The following ARSB variants were observed in gnomAD, a reference collection of about 807,000 sequenced individuals.
The protein encoded by ARSB is arylsulfatase B.
A neutral mutation model predicts 50.9 loss-of-function variants in ARSB; 41 were observed. The ratio of observed to expected loss-of-function variants is 0.81; its 90% CI spans 0.63 to 1.04. The LOEUF (loss-of-function observed/expected upper bound fraction) is 1.04, where lower values mean the gene tolerates loss of function less well. ARSB is among the 50% of genes least tolerant of loss of function. The pLI, the probability that ARSB is intolerant of heterozygous loss-of-function variation, is 0.00. For synonymous variants in ARSB, 269 were observed against 284.8 expected (o/e 0.94, Z 0.56); for missense variants, 672 against 693.3 (o/e 0.97, Z 0.35).
intron 6 of ARSB, among the ~76,000 whole-genome samples, chr5:78,821,446 T>C (rs1180036101): frequency 6.6e-6 from 1 of 152,200 alleles, no homozygotes; most frequent in Non-Finnish European, 1.5e-5. Flanking sequence ...CCAATTTTGG[T>C]TTTATTTGTA....
intron 4 of ARSB, among the ~76,000 whole-genome samples, chr5:78,906,839 G>A (rs1157822150): frequency 6.6e-6 from 1 of 152,196 alleles, no homozygotes. Flanking sequence ...AATGGGCTAA[G>A]GGAACTTGTG....
At chr5:78,854,303 G>C (rs1746032381) in intron 5 of ARSB, among the ~76,000 whole-genome samples, 2 of 152,178 alleles carry the variant, frequency 1.3e-5, no homozygotes, top group South Asian at 4.1e-4. Flanking sequence ...CTAGTTTCTT[G>C]AGATACATTG....
intron 4 of ARSB, among the ~76,000 whole-genome samples, chr5:78,935,927 T>C (rs1490394536): frequency 2.2e-4 from 24 of 107,060 alleles, no homozygotes; most frequent in African/African-American, 3.1e-4. Flanking sequence ...TCCTCCCCTC[T>C]CCTCCACTCC....
At chr5:78,935,913 T>TCTCTCCTCCC (rs1561511440) in intron 4 of ARSB, among the ~76,000 whole-genome samples, 2 of 147,512 alleles carry the variant, frequency 1.4e-5, no homozygotes, top group Admixed American at 6.7e-5. Context: ...TTTTTCGTTC[T>TCTCTCCTCCC]CTCTCCTCCC....
chr5:78,814,140 C>CT (rs768543709), intron 6 of ARSB, among the ~76,000 whole-genome samples: 1 of 150,876 alleles, frequency 6.6e-6, no homozygotes, highest in Non-Finnish European at 1.5e-5. Context: ...TGTGGCATAG[C>CT]TTGAGATGTC....
intron 3 of ARSB, among the ~76,000 whole-genome samples, chr5:78,962,822 C>T (rs1042189024): frequency 6.6e-6 from 1 of 152,046 alleles, no homozygotes; most frequent in Non-Finnish European, 1.5e-5. Context: ...AAGATTTTAC[C>T]TTAGCTTGTG....
intron 5 of ARSB, among the ~76,000 whole-genome samples, chr5:78,858,541 G>T (rs1241997696): frequency 6.6e-6 from 1 of 151,978 alleles, no homozygotes; most frequent in African/African-American, 2.4e-5. Context: ...TTGAAGGGTG[G>T]GGCAACAAAA....
At chr5:78,956,165 A>C (rs1751278356) in intron 3 of ARSB, among the ~76,000 whole-genome samples, 1 of 152,222 alleles carries the variant, frequency 6.6e-6, no homozygotes, top group African/African-American at 2.4e-5. Flanking sequence ...AATATGGTAT[A>C]TTTTCAGCAA....
intron 6 of ARSB, among the ~76,000 whole-genome samples, chr5:78,796,383 C>T (rs573128616): frequency 1.3e-4 from 20 of 152,286 alleles, no homozygotes; most frequent in South Asian, 4.1e-4. Context: ...ATAAATAAAA[C>T]GCACAAAGTG....
chr5:78,959,142 A>G (rs80320267), intron 3 of ARSB, among the ~76,000 whole-genome samples: 1 of 152,148 alleles, frequency 6.6e-6, no homozygotes, highest in Non-Finnish European at 1.5e-5. Context: ...TTGACAGTGA[A>G]TAAGTTCTCA....
At chr5:78,857,113 C>T (rs35676576) in intron 5 of ARSB, among the ~76,000 whole-genome samples, 35,119 of 152,056 alleles carry the variant, frequency 0.23, 4,840 homozygotes, top group Admixed American at 0.31. Flanking sequence ...AAGACTATAA[C>T]CTGGGACACA....
chr5:78,834,155 T>C (rs143066385), intron 6 of ARSB, among the ~76,000 whole-genome samples: 1 of 152,300 alleles, frequency 6.6e-6, no homozygotes, highest in Admixed American at 6.5e-5. Flanking sequence ...ACTGTGCATA[T>C]GGCAGTAAAT....
chr5:78,782,813 C>T (rs909942073), intron 6 of ARSB, among the ~76,000 whole-genome samples: 3 of 152,204 alleles, frequency 2.0e-5, no homozygotes, highest in Admixed American at 2.0e-4. Context: ...ATTTAATCCT[C>T]ACCATTGATC....
chr5:78,821,353 G>T (rs1013207807), intron 6 of ARSB, among the ~76,000 whole-genome samples: 1 of 152,084 alleles, frequency 6.6e-6, no homozygotes, highest in Non-Finnish European at 1.5e-5. Context: ...AGCCAGGTTG[G>T]TCTCGAACTC....
At chr5:78,873,894 C>A (rs1747362919) in intron 5 of ARSB, among the ~76,000 whole-genome samples, 2 of 152,154 alleles carry the variant, frequency 1.3e-5, no homozygotes, top group South Asian at 4.1e-4. Context: ...AGTAGGGTCA[C>A]CTTTGTGACA....
intron 5 of ARSB, among the ~76,000 whole-genome samples, chr5:78,869,673 G>C (rs79307096): frequency 0.23 from 34,192 of 150,352 alleles, 4,573 homozygotes; most frequent in Admixed American, 0.31. Context: ...AGTGTGTAGA[G>C]GGAAATTTAT....
chr5:78,889,870 G>A (rs1748202882), intron 4 of ARSB, among the ~76,000 whole-genome samples: 1 of 152,160 alleles, frequency 6.6e-6, no homozygotes, highest in Admixed American at 6.6e-5. Flanking sequence ...CCCTGTGCAT[G>A]CTTCAGCTGG....
chr5:78,955,234 A>G, intron 4 of ARSB, 61 bp downstream of exon 4: 9 of 1,554,154 alleles, frequency 5.8e-6, no homozygotes, highest in Non-Finnish European at 8.0e-6. Flanking sequence ...TCTTCATTCC[A>G]CTTATCAAAT....
chr5:78,933,023 T>C (rs1381704237), intron 4 of ARSB, among the ~76,000 whole-genome samples: 1 of 152,234 alleles, frequency 6.6e-6, no homozygotes, highest in South Asian at 2.1e-4. Context: ...TATAAAGTCT[T>C]ACACTATTAG....
Sources: allele counts gnomAD v4.1 joint callset (sites outside exome capture counted in the v4.1 genomes callset), GRCh38; gene constraint gnomAD v4.1.1; transcripts MANE v1.5; gene names NCBI Gene and HGNC (gene_info 2026-07-23, HGNC 2026-07-21).